Variants in INPP4B observed in about 807,000 individuals in gnomAD.
INPP4B encodes inositol polyphosphate-4-phosphatase type II B.
A neutral mutation model predicts 122.5 loss-of-function variants in INPP4B; 55 were observed. The ratio of observed to expected loss-of-function variants is 0.45; its 90% CI spans 0.36 to 0.56. The LOEUF (loss-of-function observed/expected upper bound fraction) is 0.56, where lower values mean the gene tolerates loss of function less well. Among genes scored for constraint, INPP4B ranks in the 20% least tolerant of loss-of-function variants. The probability of loss-of-function intolerance (pLI) is 0.00; values close to 1 mark genes in which losing one functional copy is unlikely to be tolerated. For missense variants in INPP4B, 1,000 were observed against 1,097.7 expected (o/e 0.91, Z 1.26); for synonymous variants, 403 against 388.7 (o/e 1.04, Z -0.43).
intron 7 of INPP4B, among the ~76,000 whole-genome samples, chr4:142,356,638 T>C (rs1010166320): frequency 6.6e-6 from 1 of 151,990 alleles, no homozygotes; most frequent in Non-Finnish European, 1.5e-5. Flanking sequence ...CTAAAACCTT[T>C]GTAATTTCCT....
At chr4:142,181,047 A>T (rs1025855794) in intron 15 of INPP4B, among the ~76,000 whole-genome samples, 3 of 152,198 alleles carry the variant, frequency 2.0e-5, no homozygotes, top group African/African-American at 7.2e-5. Flanking sequence ...AGCCCACTAA[A>T]CGCTACATGA....
intron 2 of INPP4B, among the ~76,000 whole-genome samples, chr4:142,507,527 G>C (rs1824177607): frequency 6.6e-6 from 1 of 151,898 alleles, no homozygotes; most frequent in African/African-American, 2.4e-5. Context: ...CAAGCAACTA[G>C]ATAAAGTTCC....
At position 142,278,544 on chromosome 4, in the gene INPP4B, C is replaced by A. The variant is rs538766139; in HGVS notation, c.504-7770G>T. Among the ~76,000 whole-genome samples the A allele has an allele frequency of 3.3e-5, 5 of 151,900 alleles. No homozygotes were observed. In the South Asian group the frequency reaches 1.0e-3, roughly 32 times the overall value. ...CACAGGGACCTAAAACTATGAGGGG[C>A]AAAAAGTTACCTCTCTGATTGGAGA... On this transcript the variant is annotated intron_variant, in intron 9 of 25. Transcript: ENST00000262992.
intron 2 of INPP4B, among the ~76,000 whole-genome samples, chr4:142,593,305 C>A (rs141311714): frequency 1.8e-4 from 27 of 152,148 alleles, no homozygotes; most frequent in Non-Finnish European, 3.1e-4. Flanking sequence ...TCTATGCCTG[C>A]AACTGACCTC....
chr4:142,166,123 T>C (rs1579139226), intron 16 of INPP4B, among the ~76,000 whole-genome samples: 1 of 151,744 alleles, frequency 6.6e-6, no homozygotes, highest in Admixed American at 6.6e-5. Flanking sequence ...TCCTTTAACA[T>C]ATGCATATTT....
chr4:142,772,783 G>A lies in INPP4B; in HGVS notation c.-253-46882C>T, dbSNP rs182122854. Among the ~76,000 whole-genome samples, 494 of 152,080 alleles carry A rather than the reference G, an allele frequency of 3.2e-3. 2 individuals are homozygous for A. The highest frequency in any genetic ancestry group is 0.014 in the Middle Eastern group (4 of 294). ...AATCTGGCCAGGTGTGGTGGCACAC[G>A]CCTGTAATCCTAGCACTTTGGGAGG... On this transcript the variant is annotated intron_variant, in intron 1 of 25. Coordinates refer to ENST00000262992, the MANE Select transcript of INPP4B (RefSeq NM_001101669.3).
intron 2 of INPP4B, among the ~76,000 whole-genome samples, chr4:142,493,723 A>G (rs1275344279): frequency 6.6e-6 from 1 of 152,158 alleles, no homozygotes; most frequent in Non-Finnish European, 1.5e-5. Context: ...GCTCAGGTGG[A>G]AGGGACTTAC....
At chr4:142,345,739 T>A (rs1780110352) in intron 7 of INPP4B, among the ~76,000 whole-genome samples, 1 of 151,990 alleles carries the variant, frequency 6.6e-6, no homozygotes. Context: ...TTATAGTAAT[T>A]AACATTTGAC....
chr4:142,108,008 G>T, intron 23 of INPP4B, 85 bp downstream of exon 23: 1 of 703,876 alleles, frequency 1.4e-6, no homozygotes, highest in Non-Finnish European at 2.5e-6. Flanking sequence ...TGCTTCTGTA[G>T]TCCACTGACC....
chr4:142,136,362 C>A (rs2152808973), intron 18 of INPP4B, among the ~76,000 whole-genome samples: 1 of 152,332 alleles, frequency 6.6e-6, no homozygotes, highest in Non-Finnish European at 1.5e-5. Flanking sequence ...ACTGACAAAA[C>A]ACAAATGCAA....
intron 25 of INPP4B, among the ~76,000 whole-genome samples, chr4:142,060,680 T>A (rs1578760500): frequency 6.6e-6 from 1 of 152,246 alleles, no homozygotes; most frequent in Middle Eastern, 3.4e-3. Flanking sequence ...ATGGAGTTAA[T>A]CCACAAGTTA....
At chr4:142,394,637 C>T (rs1798778178) in intron 7 of INPP4B, among the ~76,000 whole-genome samples, 1 of 152,070 alleles carries the variant, frequency 6.6e-6, no homozygotes, top group African/African-American at 2.4e-5. Context: ...AATGTTTATG[C>T]AGGTCCTTTG....
intron 14 of INPP4B, among the ~76,000 whole-genome samples, chr4:142,195,393 T>C (rs1215366375): frequency 6.6e-6 from 1 of 152,166 alleles, no homozygotes; most frequent in Non-Finnish European, 1.5e-5. Flanking sequence ...ACTGTATTAT[T>C]TACTTAAAAA....
At chr4:142,461,590 G>A (rs960865198) in intron 3 of INPP4B, among the ~76,000 whole-genome samples, 6 of 152,018 alleles carry the variant, frequency 3.9e-5, no homozygotes, top group African/African-American at 1.2e-4. Context: ...GATTTTTTCT[G>A]GCTTGCATTA....
At chr4:142,272,458 TAAA>T (rs1212652052) in intron 9 of INPP4B, among the ~76,000 whole-genome samples, 1 of 152,014 alleles carries the variant, frequency 6.6e-6, no homozygotes, top group Non-Finnish European at 1.5e-5. Flanking sequence ...CTTACTAAAA[TAAA>T]AAGTGAAATG....
chr4:142,564,075 A>G (rs1413928156), intron 2 of INPP4B, among the ~76,000 whole-genome samples: 1 of 152,260 alleles, frequency 6.6e-6, no homozygotes, highest in Non-Finnish European at 1.5e-5. Flanking sequence ...AAAAGATAGT[A>G]GATAGAATCC....
chr4:142,246,785 T>C (rs1729102241), intron 11 of INPP4B, among the ~76,000 whole-genome samples: 1 of 152,206 alleles, frequency 6.6e-6, no homozygotes, highest in Non-Finnish European at 1.5e-5. Flanking sequence ...GAATACCCTT[T>C]ATTTCCTTCT....
intron 2 of INPP4B, among the ~76,000 whole-genome samples, chr4:142,508,870 G>C (rs1045892628): frequency 3.3e-5 from 5 of 152,144 alleles, no homozygotes; most frequent in African/African-American, 1.2e-4. Flanking sequence ...ATTTTAAAAT[G>C]CACAGGGCAG....
At chr4:142,146,146 A>G in intron 17 of INPP4B, 150 bp from the exon 18 acceptor site, 1 of 797,304 alleles carries the variant, frequency 1.3e-6, no homozygotes, top group South Asian at 2.2e-5. Flanking sequence ...TGGTCAGACT[A>G]TGGATATATA....
Sources: gnomAD v4.1 joint callset for allele counts (sites outside exome capture counted in the v4.1 genomes callset) on GRCh38, gnomAD v4.1.1 for gene constraint, MANE v1.5 for transcripts, NCBI Gene and HGNC (gene_info 2026-07-23, HGNC 2026-07-21) for gene names.